Variants in PEX7 observed in about 807,000 individuals in gnomAD.
PEX7 encodes the protein PTS2 receptor.
In PEX7, 34 loss-of-function variants were observed where a neutral mutation model predicts 47.5. That is an observed-to-expected ratio of 0.72 (90% CI 0.54 to 0.95). The LOEUF (loss-of-function observed/expected upper bound fraction) is 0.95, where lower values mean the gene tolerates loss of function less well. Among genes scored for constraint, PEX7 ranks in the 40% least tolerant of loss-of-function variants. PEX7 has a pLI of 0.00. For missense variants in PEX7, 394 were observed against 400.3 expected (o/e 0.98, Z 0.13); for synonymous variants, 141 against 148.8 (o/e 0.95, Z 0.38).
intron 1 of PEX7, 94 bp from the exon 2 acceptor site, chr6:136,825,120 A>G (rs980407040): frequency 2.0e-6 from 2 of 1,023,914 alleles, no homozygotes; most frequent in Non-Finnish European, 1.5e-6. Flanking sequence ...AATTTGTGGT[A>G]TTAAAATCAG....
At chr6:136,841,910 A>G (rs1421435330) in intron 3 of PEX7, among the ~76,000 whole-genome samples, 1 of 149,750 alleles carries the variant, frequency 6.7e-6, no homozygotes, top group Non-Finnish European at 1.5e-5. Context: ...TTAAATTAAA[A>G]AAAAAAACCC....
chr6:136,869,935 G>T lies in PEX7; in HGVS notation c.679G>T (p.Asp227Tyr), dbSNP rs781145233. 7 of 1,613,958 alleles carry T rather than the reference G, an allele frequency of 4.3e-6. No individual in the cohort carries two copies. Among genetic ancestry groups the T allele is most frequent in the Middle Eastern group, 1.6e-4 (1 of 6,084 alleles). Residue 227 changes from aspartate (D) to tyrosine (Y), a missense_variant, in exon 7 of 10, where the codon GAC (aspartate) becomes TAC (tyrosine). By Grantham distance (160) the Asp-to-Tyr change is radical. Coordinates refer to ENST00000318471, the MANE Select transcript of PEX7 (RefSeq NM_000288.4). ...GAVDCSLRGW[D>Y]LRNVRQPVFE... is the part of the protein sequence containing the mutation. ...GGTTGACTGTAGTTTGAGAGGCTGG[G>T]ACTTAAGGAATGTACGACAACCAGT...
chr6:136,862,792 G>A (rs1331639686), intron 5 of PEX7, among the ~76,000 whole-genome samples: 1 of 152,156 alleles, frequency 6.6e-6, no homozygotes, highest in Non-Finnish European at 1.5e-5. Context: ...GTCAAAGCAG[G>A]GAATGAGGTA....
At chr6:136,899,087 T>TTC (rs1554336038) in intron 9 of PEX7, among the ~76,000 whole-genome samples, 2 of 145,938 alleles carry the variant, frequency 1.4e-5, no homozygotes, top group African/African-American at 5.0e-5. Flanking sequence ...TTTCTTTTTT[T>TTC]TTTTTTTTTT....
chr6:136,890,022 G>A (rs1369801383), intron 8 of PEX7, among the ~76,000 whole-genome samples: 1 of 152,154 alleles, frequency 6.6e-6, no homozygotes, highest in Non-Finnish European at 1.5e-5. Flanking sequence ...CAGTCAGCTG[G>A]TAGTAGTTTA....
intron 8 of PEX7, 68 bp from the exon 9 acceptor site, chr6:136,898,073 AT>A: frequency 2.1e-6 from 2 of 932,316 alleles, no homozygotes; most frequent in Admixed American, 1.7e-5. Flanking sequence ...TCAAATATCT[AT>A]TTTTTCTTAA....
chr6:136,864,504 C>A (rs1212023787), intron 5 of PEX7, among the ~76,000 whole-genome samples: 1 of 152,160 alleles, frequency 6.6e-6, no homozygotes, highest in Non-Finnish European at 1.5e-5. Flanking sequence ...GGATTAGAAC[C>A]AAGCTCAGGA....
intron 5 of PEX7, among the ~76,000 whole-genome samples, chr6:136,849,265 G>A (rs1273354221): frequency 6.6e-6 from 1 of 152,012 alleles, no homozygotes; most frequent in Non-Finnish European, 1.5e-5. Context: ...AGTCTTGCTA[G>A]TGGTCTATCA....
intron 9 of PEX7, 100 bp downstream of exon 9, chr6:136,898,341 C>G: frequency 1.3e-6 from 1 of 787,402 alleles, no homozygotes; most frequent in Non-Finnish European, 2.3e-6. Flanking sequence ...GCCATTTTAG[C>G]TATATAAGCT....
chr6:136,889,265 G>A (rs1021042144), intron 8 of PEX7, among the ~76,000 whole-genome samples: 1 of 152,084 alleles, frequency 6.6e-6, no homozygotes, highest in Non-Finnish European at 1.5e-5. Context: ...AGTACCAGAT[G>A]AAAATGAAAA....
chr6:136,840,277 T>C (rs1338760681), intron 3 of PEX7, among the ~76,000 whole-genome samples: 1 of 152,252 alleles, frequency 6.6e-6, no homozygotes, highest in Non-Finnish European at 1.5e-5. Context: ...CGTCCCCTGC[T>C]TACCCTTTCT....
At chr6:136,912,174 A>G (rs1775944216) in intron 9 of PEX7, among the ~76,000 whole-genome samples, 1 of 152,214 alleles carries the variant, frequency 6.6e-6, no homozygotes, top group East Asian at 1.9e-4. Flanking sequence ...AATATTTTAT[A>G]TAACTGTGTC....
intron 1 of PEX7, chr6:136,823,295 C>G (rs1180798986): frequency 2.0e-6 from 2 of 985,304 alleles, no homozygotes; most frequent in African/African-American, 3.5e-5. Context: ...GAATGGACGC[C>G]TGGAGTCCCA....
intron 5 of PEX7, among the ~76,000 whole-genome samples, chr6:136,858,699 T>C (rs1289243066): frequency 6.6e-6 from 1 of 152,190 alleles, no homozygotes; most frequent in Non-Finnish European, 1.5e-5. Flanking sequence ...TTTGAGGTAA[T>C]GGGAATTGCA....
At chr6:136,837,334 CCTGGG>C (rs1725704618) in intron 3 of PEX7, among the ~76,000 whole-genome samples, 1 of 120,186 alleles carries the variant, frequency 8.3e-6, no homozygotes, top group Non-Finnish European at 1.6e-5. Flanking sequence ...TGCACTCCAG[CCTGGG>C]CGACAGAGTG....
intron 5 of PEX7, among the ~76,000 whole-genome samples, chr6:136,846,736 T>A (rs985228708): frequency 6.6e-6 from 1 of 152,180 alleles, no homozygotes; most frequent in African/African-American, 2.4e-5. Context: ...CTTGATCCAG[T>A]CTATCATTGT....
At chr6:136,863,319 G>A (rs191387601) in intron 5 of PEX7, among the ~76,000 whole-genome samples, 91 of 152,162 alleles carry the variant, frequency 6.0e-4, no homozygotes, top group Non-Finnish European at 7.5e-4. Flanking sequence ...TGCTATGGAC[G>A]GAGGTACCAT....
chr6:136,866,667 A>G lies in PEX7; in HGVS notation c.567A>G (p.Gly189=). 6.2e-7 allele frequency: 1 copy of G among 1,614,064 alleles called. No individual in the cohort carries two copies. Among genetic ancestry groups the G allele is most frequent in the Non-Finnish European group, 8.5e-7 (1 of 1,179,960 alleles). ...TLRIWDVKAA[G]VRIVIPAHQA... ...GAATATGGGATGTGAAGGCAGCAGG[A>G]GTAAGAATCGTGATTCCTGCACATC... The change falls in exon 6 of 10, where the codon GGA becomes GGG. Residue 189 remains glycine (G), a synonymous_variant. Coordinates refer to ENST00000318471, the MANE Select transcript of PEX7 (RefSeq NM_000288.4).
chr6:136,826,080 T>C (rs1774184074), intron 2 of PEX7, among the ~76,000 whole-genome samples: 1 of 152,224 alleles, frequency 6.6e-6, no homozygotes, highest in Non-Finnish European at 1.5e-5. Flanking sequence ...CTGTGTACTA[T>C]TACATTTTTG....
Sources: gnomAD v4.1 joint callset for allele counts (sites outside exome capture counted in the v4.1 genomes callset) on GRCh38, gnomAD v4.1.1 for gene constraint, MANE v1.5 for transcripts, NCBI Gene and HGNC (gene_info 2026-07-23, HGNC 2026-07-21) for gene names.